PTPRN2: variants seen among roughly 807,000 people sequenced by gnomAD.
PTPRN2 encodes the protein receptor-type tyrosine-protein phosphatase N2.
A neutral mutation model predicts 118.8 loss-of-function variants in PTPRN2; 74 were observed. The ratio of observed to expected loss-of-function variants is 0.62; its 90% confidence interval spans 0.52 to 0.76. PTPRN2 has a LOEUF of 0.76. PTPRN2 is among the 30% of genes least tolerant of loss of function. The pLI is 0.00. For missense variants in PTPRN2, 1,481 were observed against 1,394.4 expected (o/e 1.06, Z -0.99); for synonymous variants, 641 against 608.0 (o/e 1.05, Z -0.80).
intron 3 of PTPRN2, among the ~76,000 whole-genome samples, chr7:158,290,853 G>T (rs1230373255): frequency 6.6e-6 from 1 of 152,184 alleles, no homozygotes; most frequent in Non-Finnish European, 1.5e-5. Context: ...TCAAATTGTT[G>T]TTTCTGTGAT....
intron 11 of PTPRN2, among the ~76,000 whole-genome samples, chr7:158,031,411 C>T (rs1347835407): frequency 6.6e-6 from 1 of 152,122 alleles, no homozygotes; most frequent in Non-Finnish European, 1.5e-5. Context: ...ATAATAAAGC[C>T]ACAGAAATGC....
intron 1 of PTPRN2, among the ~76,000 whole-genome samples, chr7:158,566,738 C>G (rs547119384): frequency 6.6e-6 from 1 of 152,036 alleles, no homozygotes. Context: ...TTGTTTGAGA[C>G]AGAGTCTCAC....
intron 17 of PTPRN2, among the ~76,000 whole-genome samples, chr7:157,581,614 G>A (rs751876794): frequency 2.0e-5 from 3 of 152,178 alleles, no homozygotes; most frequent in Non-Finnish European, 4.4e-5. Flanking sequence ...TCAGTGATTC[G>A]GACAGTGACC....
intron 13 of PTPRN2, among the ~76,000 whole-genome samples, chr7:157,681,597 C>G (rs1451401434): frequency 6.6e-6 from 1 of 152,164 alleles, no homozygotes; most frequent in Non-Finnish European, 1.5e-5. Context: ...TGTGGTCAAT[C>G]TCTTTTAAGC....
intron 10 of PTPRN2, among the ~76,000 whole-genome samples, chr7:158,108,817 A>G (rs888823519): frequency 2.0e-5 from 3 of 152,224 alleles, no homozygotes; most frequent in Non-Finnish European, 2.9e-5. Context: ...CATGTATCTC[A>G]AAGGGGATGC....
intron 11 of PTPRN2, among the ~76,000 whole-genome samples, chr7:158,019,998 C>T (rs1206340257): frequency 4.6e-5 from 7 of 152,218 alleles, no homozygotes; most frequent in Non-Finnish European, 7.3e-5. Context: ...CAAACCACAC[C>T]GGCCATCCAG....
At chr7:158,131,887 TA>T (rs1163458054) in intron 9 of PTPRN2, among the ~76,000 whole-genome samples, 2 of 139,220 alleles carry the variant, frequency 1.4e-5, no homozygotes, top group South Asian at 2.3e-4. Context: ...CTACCTGACA[TA>T]CACACACATG....
intron 15 of PTPRN2, among the ~76,000 whole-genome samples, chr7:157,614,707 G>A (rs1227563880): frequency 1.3e-5 from 2 of 152,148 alleles, no homozygotes; most frequent in Non-Finnish European, 2.9e-5. Flanking sequence ...CCTCTAGAGA[G>A]GCCAGTAAGT....
chr7:157,592,676 C>T (rs1404162669), intron 17 of PTPRN2, among the ~76,000 whole-genome samples: 40 of 134,488 alleles, frequency 3.0e-4, no homozygotes, highest in South Asian at 1.0e-3. Flanking sequence ...ACCTGCTGAA[C>T]CGAGGGTGGA....
At chr7:157,667,742 A>T (rs1585206914) in intron 13 of PTPRN2, among the ~76,000 whole-genome samples, 1 of 151,792 alleles carries the variant, frequency 6.6e-6, no homozygotes, top group Non-Finnish European at 1.5e-5. Context: ...ACGACCTAAC[A>T]CCCTCCCCAC....
At chr7:157,696,703 C>T in intron 12 of PTPRN2, among the ~76,000 whole-genome samples, 1 of 149,640 alleles carries the variant, frequency 6.7e-6, no homozygotes, top group South Asian at 2.2e-4. Context: ...ACCGTCTACC[C>T]ATGCATACTG....
At chr7:158,280,659 C>T (rs1229202268) in intron 3 of PTPRN2, among the ~76,000 whole-genome samples, 1 of 152,202 alleles carries the variant, frequency 6.6e-6, no homozygotes, top group South Asian at 2.1e-4. Flanking sequence ...CCCGACACTG[C>T]GTAGAGACGC....
At chr7:157,710,855 G>A (rs10246927) in intron 12 of PTPRN2, among the ~76,000 whole-genome samples, 2,944 of 70,190 alleles carry the variant, frequency 0.042, 276 homozygotes, top group African/African-American at 0.17. Context: ...AGAGCCCCAC[G>A]CGCCGGAGGT....
chr7:157,918,891 G>A (rs763923298), intron 11 of PTPRN2, among the ~76,000 whole-genome samples: 11 of 152,180 alleles, frequency 7.2e-5, no homozygotes, highest in Non-Finnish European at 1.6e-4. Context: ...GCCACGTTCC[G>A]GGGCTGCGCT....
chr7:157,707,053 G>A (rs577167878), intron 12 of PTPRN2, among the ~76,000 whole-genome samples: 10 of 152,366 alleles, frequency 6.6e-5, no homozygotes, highest in African/African-American at 2.4e-4. Context: ...ATGCCAGACA[G>A]ATGAAGGACA....
In PTPRN2 at chr7:157,656,954, TATACACACAC is replaced by T. The variant is rs1806172327; in HGVS notation, c.2002-413_2002-404del. Among the ~76,000 whole-genome samples, 4 of 114,280 alleles carry T rather than the reference TATACACACAC, an allele frequency of 3.5e-5. No individual in the cohort carries two copies. The South Asian group carries it at 1.2e-3, about 33-fold the overall frequency. The allele number at this position is 114,280 out of a possible 152,430, so 75.0% of individuals were successfully genotyped here. Reference sequence around the variant, plus strand: ...ACACACACACCACACACATCACACATATACACACACATACACCACACACACCACACACATC... The same window carrying T: ...ACACACACACCACACACATCACACATATACACCACACACACCACACACATC... On this transcript the variant is annotated intron_variant, in intron 13 of 22. Transcript: ENST00000389418.
chr7:158,066,955 T>C (rs1288873743), intron 11 of PTPRN2, among the ~76,000 whole-genome samples: 2 of 152,154 alleles, frequency 1.3e-5, no homozygotes, highest in Non-Finnish European at 2.9e-5. Context: ...TCCTTCAATA[T>C]CAGCAAATCC....
At chr7:158,315,894 C>A (rs1324805996) in intron 3 of PTPRN2, among the ~76,000 whole-genome samples, 1 of 152,182 alleles carries the variant, frequency 6.6e-6, no homozygotes, top group Non-Finnish European at 1.5e-5. Context: ...GTTCTGTGGA[C>A]ACCAGTCAGC....
At chr7:158,309,854 G>A (rs1326854121) in intron 3 of PTPRN2, among the ~76,000 whole-genome samples, 1 of 152,198 alleles carries the variant, frequency 6.6e-6, no homozygotes, top group Non-Finnish European at 1.5e-5. Flanking sequence ...CTGATCCCCA[G>A]TGTGACAGCA....
Sources: allele counts gnomAD v4.1 joint callset (sites outside exome capture counted in the v4.1 genomes callset), GRCh38; gene constraint gnomAD v4.1.1; transcripts MANE v1.5; gene names NCBI Gene and HGNC (gene_info 2026-07-23, HGNC 2026-07-21).